Variants in NSD3 observed in about 807,000 individuals in gnomAD.
NSD3 encodes the protein histone-lysine N-methyltransferase NSD3.
A neutral mutation model predicts 160.8 loss-of-function variants in NSD3; 24 were observed. The ratio of observed to expected loss-of-function variants is 0.15; its 90% CI spans 0.11 to 0.21. The LOEUF (loss-of-function observed/expected upper bound fraction) is 0.21. Among genes scored for constraint, NSD3 ranks in the 10% least tolerant of loss-of-function variants. The pLI, the probability that NSD3 is intolerant of heterozygous loss-of-function variation, is 1.00. For missense variants in NSD3, 1,157 were observed against 1,735.9 expected (o/e 0.67, Z 5.93); for synonymous variants, 520 against 600.0 (o/e 0.87, Z 1.95).
At chr8:38,339,724 CAAA>C (rs1232259132) in intron 2 of NSD3, among the ~76,000 whole-genome samples, 2 of 107,186 alleles carry the variant, frequency 1.9e-5, no homozygotes. Flanking sequence ...GACTCCATCT[CAAA>C]AAAAAAAAAA....
At chr8:38,340,526 C>T (rs1382176594) in intron 2 of NSD3, among the ~76,000 whole-genome samples, 3 of 151,790 alleles carry the variant, frequency 2.0e-5, no homozygotes, top group African/African-American at 4.8e-5. Flanking sequence ...TTAGTAGAGA[C>T]GGGGTTTTGC....
Position 38,319,243 on chromosome 8 carries a change from C to T in NSD3, c.1810-303G>A, listed in dbSNP as rs1475029348. ...AATACTTTCCTCAGTGTCTGGAAGG[C>T]AGGAGAGGGGTTGTTTCTGCAACCG... On this transcript the variant is annotated intron_variant, in intron 8 of 23. Transcript: ENST00000317025. This position sits in a 1 kb window ranked among gnomAD's most constrained non-coding sequence, Gnocchi z 4.1. 2.4e-5 allele frequency: 6 copies of T among 252,918 alleles called. No homozygotes were observed. The highest frequency in any genetic ancestry group is 8.0e-5 in the East Asian group (1 of 12,560). The allele number at this position is 252,918 out of a possible 1,614,324, so 15.7% of individuals were successfully genotyped here.
chr8:38,337,224 A>G lies in NSD3; in HGVS notation c.910+81T>C, dbSNP rs1810243616. On this transcript the variant is annotated intron_variant, in intron 4 of 23. Transcript: ENST00000317025. ...GTATCAGATTATATATTACGTGTGT[A>G]TTCTTATATTCACATACAACATTTA... The G allele has an allele frequency of 4.9e-6, 6 of 1,229,730 alleles. No homozygotes were observed. In the South Asian group the frequency reaches 1.2e-4, roughly 25 times the overall value. 76.2% of individuals were successfully genotyped at this position (1,229,730 alleles called of 1,614,324 possible). A position where few individuals can be genotyped will look rare whatever the true frequency, so the allele number is the denominator to read the frequency against.
chr8:38,286,389 C>T lies in NSD3; in HGVS notation c.3501+2098G>A, dbSNP rs146118751. ...GAACGGAGTTCTGCCAACAACTGTG[C>T]AAGCAGGGAAGCAGATCCTTCCCTA... is the stretch of plus-strand genomic sequence containing the variant. On this transcript the variant is annotated intron_variant, in intron 19 of 23. Coordinates refer to ENST00000317025, the MANE Select transcript of NSD3 (RefSeq NM_023034.2). Among the ~76,000 whole-genome samples the T allele has an allele frequency of 4.5e-3, 680 of 152,228 alleles. 2 individuals carry two copies. Among genetic ancestry groups the T allele is most frequent in the African/African-American group, 0.016 (648 of 41,542 alleles).
rs1478275935 is a variant in NSD3, at chr8:38,369,141, G to GT, written c.-45+12657dup. ...TTCTATAAAGACCAGTTTGGGTTTT[G>GT]TTTTTTTTGTTTATCGCTTTAGTAT... On this transcript the variant is annotated intron_variant, in intron 1 of 23. Coordinates refer to ENST00000317025, the MANE Select transcript of NSD3 (RefSeq NM_023034.2). Among the ~76,000 whole-genome samples the GT allele has an allele frequency of 5.9e-5, 9 of 151,696 alleles. No homozygotes were observed. The East Asian group carries it at 9.7e-4, about 16-fold the overall frequency.
At chr8:38,350,910 G>C (rs1024362315) in intron 1 of NSD3, among the ~76,000 whole-genome samples, 3 of 151,608 alleles carry the variant, frequency 2.0e-5, no homozygotes, top group Non-Finnish European at 2.9e-5. Flanking sequence ...TCACAGAATA[G>C]AAGATTAATG....
intron 14 of NSD3, among the ~76,000 whole-genome samples, chr8:38,301,334 T>C (rs1298855929): frequency 6.6e-6 from 1 of 152,168 alleles, no homozygotes; most frequent in African/African-American, 2.4e-5. Flanking sequence ...TCCCAGCACT[T>C]TGGGAGGCCG....
At chr8:38,282,588 C>T (rs946430428) in intron 19 of NSD3, among the ~76,000 whole-genome samples, 1 of 152,032 alleles carries the variant, frequency 6.6e-6, no homozygotes, top group African/African-American at 2.4e-5. Context: ...GGAGAATCGC[C>T]GAAACCCAGG....
intron 6 of NSD3, among the ~76,000 whole-genome samples, chr8:38,327,222 T>G (rs1489006410): frequency 6.6e-6 from 1 of 151,646 alleles, no homozygotes; most frequent in East Asian, 1.9e-4. Context: ...GCTAATTTTT[T>G]TTTTTGTATT....
chr8:38,361,600 A>G (rs929227335), intron 1 of NSD3, among the ~76,000 whole-genome samples: 1 of 151,714 alleles, frequency 6.6e-6, no homozygotes, highest in Admixed American at 6.6e-5. Flanking sequence ...CTAAAAATAC[A>G]AAAAGTTAGC....
Position 38,321,334 on chromosome 8 carries a change from T to A in NSD3, c.1709-162A>T, listed in dbSNP as rs556626366. Among the ~76,000 whole-genome samples the A allele has an allele frequency of 6.6e-6, 1 of 152,342 alleles. No homozygotes were observed. Among genetic ancestry groups the A allele is most frequent in the African/African-American group, 2.4e-5 (1 of 41,590 alleles). ...TAAACATTCAGGAGCATATAAATTATTTAACAGATCAAATTGTAAAGGCTG... is the reference window on the plus strand; with the variant it reads ...TAAACATTCAGGAGCATATAAATTAATTAACAGATCAAATTGTAAAGGCTG... On this transcript the variant is annotated intron_variant, in intron 7 of 23. Coordinates refer to ENST00000317025, the MANE Select transcript of NSD3 (RefSeq NM_023034.2). This position sits in a 1 kb window ranked among gnomAD's most constrained non-coding sequence, Gnocchi z 4.7.
intron 14 of NSD3, among the ~76,000 whole-genome samples, chr8:38,302,330 CATATT>C (rs1278297240): frequency 1.3e-5 from 2 of 152,206 alleles, no homozygotes; most frequent in Admixed American, 1.3e-4. Context: ...TAAAAGAACA[CATATT>C]ATTTACTTCT....
intron 13 of NSD3, 137 bp downstream of exon 13, chr8:38,305,111 T>C (rs1310005077): frequency 1.2e-5 from 10 of 839,412 alleles, no homozygotes; most frequent in Admixed American, 2.7e-5. Context: ...GTACTGTGTA[T>C]GTACTGTGGC....
rs1809115571 is a variant in NSD3, at chr8:38,295,557, C to T, written c.2915+239G>A. On this transcript the variant is annotated intron_variant, in intron 16 of 23. Transcript: ENST00000317025. ...TTGGTGATAGAGCCAAACCGCCTCACAAACAATCAACCAACCAATCCCAAA... is the reference window on the plus strand; with the variant it reads ...TTGGTGATAGAGCCAAACCGCCTCATAAACAATCAACCAACCAATCCCAAA... Among the ~76,000 whole-genome samples, 3 of 151,936 alleles carry T rather than the reference C, an allele frequency of 2.0e-5. No homozygotes were observed. In the South Asian group the frequency reaches 6.2e-4, roughly 32 times the overall value.
chr8:38,323,539 T>C (rs948083747), intron 7 of NSD3, among the ~76,000 whole-genome samples: 1 of 152,078 alleles, frequency 6.6e-6, no homozygotes, highest in Non-Finnish European at 1.5e-5. Context: ...ATGTTCAGGC[T>C]GGGCACAGCG....
At chr8:38,302,939 A>G (rs1399188292) in intron 14 of NSD3, among the ~76,000 whole-genome samples, 1 of 152,198 alleles carries the variant, frequency 6.6e-6, no homozygotes, top group Non-Finnish European at 1.5e-5. Flanking sequence ...CAGCCTGAAA[A>G]TACCTATTTT....
At position 38,341,603 on chromosome 8, in the gene NSD3, T is replaced by C. The variant is rs571920543; in HGVS notation, c.676-2996A>G. The stretch of plus-strand genomic sequence containing the variant: ...GGACGAAGAATTAGCTTAGTAAACA[T>C]GGAGGAAAGAACATTCCAGGAGGAA... On this transcript the variant is annotated intron_variant, in intron 2 of 23. Coordinates refer to ENST00000317025, the MANE Select transcript of NSD3 (RefSeq NM_023034.2). Among the ~76,000 whole-genome samples the C allele has an allele frequency of 1.3e-4, 19 of 150,208 alleles. No homozygotes were observed. In the South Asian group the frequency reaches 2.8e-3, roughly 22 times the overall value.
rs532152189 is a variant in NSD3 at position 38,273,805 on chromosome 8, C to A, written c.*1836G>T. On this transcript the variant is annotated 3_prime_UTR_variant, in exon 24 of 24. Transcript: ENST00000317025. Reference sequence around the variant, plus strand: ...TTTGCTCTTTCTTTTGGGACCATATCTAATCAACAGAAGTACTGGAAGCCC... The same window carrying A: ...TTTGCTCTTTCTTTTGGGACCATATATAATCAACAGAAGTACTGGAAGCCC... The A allele has an allele frequency of 1.6e-4, 25 of 152,256 alleles. No individual in the cohort carries two copies. The highest frequency in any genetic ancestry group is 6.0e-4 in the African/African-American group (25 of 41,546). 9.4% of individuals were successfully genotyped at this position (152,256 alleles called of 1,614,324 possible). A position where few individuals can be genotyped will look rare whatever the true frequency, so the allele number is the denominator to read the frequency against.
At chr8:38,349,522 A>G (rs893633586) in intron 1 of NSD3, among the ~76,000 whole-genome samples, 1 of 151,142 alleles carries the variant, frequency 6.6e-6, no homozygotes, top group African/African-American at 2.4e-5. Flanking sequence ...GCACATATAT[A>G]TTTCTATAGG....
Sources: gnomAD v4.1 joint callset for allele counts (sites outside exome capture counted in the v4.1 genomes callset) on GRCh38, gnomAD v4.1.1 for gene constraint, Gnocchi (gnomAD v3.1) non-coding constraint, MANE v1.5 for transcripts, NCBI Gene and HGNC (gene_info 2026-07-23, HGNC 2026-07-21) for gene names.